Variants in RABGAP1L observed in about 807,000 individuals in gnomAD.
The protein encoded by RABGAP1L is RAB GTPase activating protein 1 like.
A neutral mutation model predicts 137.7 loss-of-function variants in RABGAP1L; 63 were observed. That is an observed-to-expected ratio of 0.46 (90% confidence interval 0.37 to 0.56). RABGAP1L has a LOEUF of 0.56. Ranked by LOEUF, RABGAP1L falls within the 20% of genes least tolerant of loss-of-function variation. The pLI is 0.00. For missense variants in RABGAP1L, 1,095 were observed against 1,244.0 expected (o/e 0.88, Z 1.80); for synonymous variants, 431 against 433.7 (o/e 0.99, Z 0.08).
chr1:174,891,878 A>G lies in RABGAP1L; in HGVS notation c.2341-65579A>G, dbSNP rs146461762. Among the ~76,000 whole-genome samples the G allele has an allele frequency of 4.1e-3, 628 of 152,336 alleles. 4 individuals are homozygous for G. Among genetic ancestry groups the G allele is most frequent in the South Asian group, 3.7e-3 (18 of 4,828 alleles). ...TATGTTGACTATAGAAAATTTTGAA[A>G]ACACATAGAAATAAAAACTGAAACA... On this transcript the variant is annotated intron_variant, in intron 19 of 25. Transcript: ENST00000681986.
intron 11 of RABGAP1L, among the ~76,000 whole-genome samples, chr1:174,358,747 T>G (rs1228281653): frequency 6.6e-6 from 1 of 152,224 alleles, no homozygotes; most frequent in African/African-American, 2.4e-5. Flanking sequence ...CTAAAGTTCA[T>G]TTATTTCCAA....
intron 18 of RABGAP1L, among the ~76,000 whole-genome samples, chr1:174,784,176 C>T (rs910239314): frequency 3.3e-5 from 5 of 151,544 alleles, no homozygotes; most frequent in Non-Finnish European, 5.9e-5. Flanking sequence ...CCCGCCATCA[C>T]GCCCGGCCAA....
chr1:174,241,778 A>G (rs1368840243), intron 5 of RABGAP1L, 121 bp downstream of exon 5: 1 of 896,390 alleles, frequency 1.1e-6, no homozygotes, highest in Non-Finnish European at 1.6e-6. Flanking sequence ...TAAAGACAAA[A>G]TTAATATTTG....
chr1:174,420,677 GTTT>G (rs67587872), intron 13 of RABGAP1L, among the ~76,000 whole-genome samples: 2 of 133,990 alleles, frequency 1.5e-5, no homozygotes, highest in Non-Finnish European at 3.2e-5. Flanking sequence ...TGGGTGTTTT[GTTT>G]TTTTTTTTTT....
chr1:174,785,417 C>G (rs1023716596), intron 18 of RABGAP1L, among the ~76,000 whole-genome samples: 1 of 152,168 alleles, frequency 6.6e-6, no homozygotes, highest in Admixed American at 6.5e-5. Context: ...GTTAGCTTAT[C>G]GTTCAGCTAC....
At chr1:174,419,727 G>GTTA (rs1651031354) in intron 13 of RABGAP1L, among the ~76,000 whole-genome samples, 1 of 152,134 alleles carries the variant, frequency 6.6e-6, no homozygotes, top group African/African-American at 2.4e-5. Context: ...TAAGGTTTAA[G>GTTA]TTATTTTTTC....
chr1:174,752,834 C>G (rs1048916701), intron 18 of RABGAP1L, among the ~76,000 whole-genome samples: 1 of 152,110 alleles, frequency 6.6e-6, no homozygotes, highest in Admixed American at 6.5e-5. Context: ...TTATAAAACA[C>G]TTTAGAATTC....
chr1:174,447,920 G>T (rs1654969328), intron 13 of RABGAP1L, among the ~76,000 whole-genome samples: 1 of 32,724 alleles, frequency 3.1e-5, no homozygotes, highest in Admixed American at 4.4e-4. Flanking sequence ...CCCGAAAGCT[G>T]AGGTGTGTCA....
At chr1:174,974,363 G>A (rs1383672996) in intron 21 of RABGAP1L, among the ~76,000 whole-genome samples, 1 of 152,126 alleles carries the variant, frequency 6.6e-6, no homozygotes, top group Non-Finnish European at 1.5e-5. Context: ...TGCTTTGTGA[G>A]TAACCTCAGT....
chr1:174,295,998 A>G (rs1483727502), intron 10 of RABGAP1L, among the ~76,000 whole-genome samples: 1 of 152,216 alleles, frequency 6.6e-6, no homozygotes, highest in East Asian at 1.9e-4. Context: ...AGTGAAGGCT[A>G]AGCCTTGGGA....
At chr1:174,206,335 G>T (rs769113998) in intron 1 of RABGAP1L, among the ~76,000 whole-genome samples, 2 of 152,164 alleles carry the variant, frequency 1.3e-5, no homozygotes, top group Non-Finnish European at 2.9e-5. Context: ...TATTGGTTTG[G>T]TTCTTGCTTG....
chr1:174,668,068 A>C (rs192285514), intron 14 of RABGAP1L, among the ~76,000 whole-genome samples: 1 of 152,342 alleles, frequency 6.6e-6, no homozygotes, highest in East Asian at 1.9e-4. Context: ...AAATTTTCAA[A>C]TATACAAAAT....
intron 13 of RABGAP1L, among the ~76,000 whole-genome samples, chr1:174,509,062 G>A (rs1215832402): frequency 2.6e-5 from 4 of 152,296 alleles, no homozygotes; most frequent in Non-Finnish European, 5.9e-5. Flanking sequence ...GGTAATTAGA[G>A]CATCTTTGGC....
intron 17 of RABGAP1L, among the ~76,000 whole-genome samples, chr1:174,714,236 T>C (rs1335383110): frequency 6.6e-6 from 1 of 152,238 alleles, no homozygotes; most frequent in African/African-American, 2.4e-5. Flanking sequence ...TCTACCTTGC[T>C]AGCTACTTCC....
intron 13 of RABGAP1L, among the ~76,000 whole-genome samples, chr1:174,470,608 A>G (rs1033503483): frequency 1.1e-4 from 17 of 152,132 alleles, no homozygotes; most frequent in Non-Finnish European, 7.4e-5. Flanking sequence ...CTCTACTAAA[A>G]GTACAAAAAT....
chr1:174,627,399 G>T (rs1056894737), intron 13 of RABGAP1L, among the ~76,000 whole-genome samples: 1 of 152,292 alleles, frequency 6.6e-6, no homozygotes, highest in South Asian at 2.1e-4. Flanking sequence ...CAATGAGCAA[G>T]TAAGTGATGA....
chr1:174,610,773 T>A (rs901948039), intron 13 of RABGAP1L, among the ~76,000 whole-genome samples: 9 of 152,208 alleles, frequency 5.9e-5, no homozygotes, highest in Admixed American at 1.3e-4. Context: ...AGTATCTCAT[T>A]GTGGTTTTGA....
chr1:174,713,333 T>C (rs773474421), intron 17 of RABGAP1L, among the ~76,000 whole-genome samples: 3 of 152,238 alleles, frequency 2.0e-5, no homozygotes, highest in Non-Finnish European at 2.9e-5. Flanking sequence ...TTGAGAATAT[T>C]TGAAAAATAT....
intron 19 of RABGAP1L, among the ~76,000 whole-genome samples, chr1:174,906,078 C>T (rs560775329): frequency 2.0e-5 from 3 of 152,074 alleles, no homozygotes; most frequent in East Asian, 2.0e-4. Context: ...AGTGCAGTGG[C>T]CCCATCTCCA....
Sources: allele counts gnomAD v4.1 joint callset (sites outside exome capture counted in the v4.1 genomes callset), GRCh38; gene constraint gnomAD v4.1.1; transcripts MANE v1.5; gene names NCBI Gene and HGNC (gene_info 2026-07-23, HGNC 2026-07-21).